AUTS2: variants seen among roughly 807,000 people sequenced by gnomAD.
The protein encoded by AUTS2 is activator of transcription and developmental regulator AUTS2, also known as autism susceptibility gene 2 protein.
Under a neutral mutation model 112.4 loss-of-function variants are expected in AUTS2, and 17 were observed. The observed-to-expected ratio is 0.15, with a 90% CI of 0.10 to 0.23. The LOEUF (loss-of-function observed/expected upper bound fraction) is 0.23, where lower values mean the gene tolerates loss of function less well. AUTS2 is among the 10% of genes least tolerant of loss of function. The pLI is 1.00. For synonymous variants in AUTS2, 751 were observed against 702.7 expected (o/e 1.07, Z -1.09); for missense variants, 1,510 against 1,701.6 (o/e 0.89, Z 1.98).
intron 13 of AUTS2, chr7:70,776,662 A>C (rs759102204): frequency 3.8e-5 from 9 of 239,700 alleles, no homozygotes; most frequent in Non-Finnish European, 6.5e-5. Context: ...CAGGTTCTGT[A>C]CCCTCTCTTA....
intron 5 of AUTS2, among the ~76,000 whole-genome samples, chr7:70,462,548 T>A (rs1297752938): frequency 3.3e-5 from 5 of 152,168 alleles, no homozygotes; most frequent in East Asian, 1.9e-4. Context: ...TCCAATTTTT[T>A]AAAAAATTTT....
chr7:69,813,731 G>A (rs1244748984), intron 1 of AUTS2, among the ~76,000 whole-genome samples: 1 of 152,188 alleles, frequency 6.6e-6, no homozygotes, highest in African/African-American at 2.4e-5. Context: ...TGAATCTTGT[G>A]TGTAATTCTC....
chr7:70,100,462 G>A (rs1008174510), intron 2 of AUTS2, among the ~76,000 whole-genome samples: 1 of 151,328 alleles, frequency 6.6e-6, no homozygotes, highest in Non-Finnish European at 1.5e-5. Context: ...AAGTTCTAGA[G>A]TACATGTGCA....
At chr7:69,602,646 C>T (rs999383726) in intron 1 of AUTS2, among the ~76,000 whole-genome samples, 2 of 152,134 alleles carry the variant, frequency 1.3e-5, no homozygotes, top group African/African-American at 2.4e-5. Context: ...CCCACCAAAA[C>T]CCGCACAGCA....
In AUTS2 at chr7:70,790,498, C is replaced by G. The variant is rs939046841; in HGVS notation, c.3282C>G (p.Phe1094Leu). Residue 1094 changes from phenylalanine (F) to leucine (L), a missense_variant, in exon 19 of 19, where the codon TTC (phenylalanine) becomes TTG (leucine). This residue lies in a region of AUTS2 where 788 missense variants were observed against 797.6 expected (regional missense o/e 0.99). Transcript: ENST00000342771. The surrounding 1 kb of genome is among the most constrained non-coding windows in gnomAD (Gnocchi z 7.6). The stretch of plus-strand genomic sequence containing the variant: ...GGAGAGACCCGCTGGGCAGGGACTT[C>G]CTGCTAAGGAACGACCCGCTCCACC... The part of the protein sequence containing the change: ...IHRRDPLGRD[F>L]LLRNDPLHRL... The G allele has an allele frequency of 4.3e-6, 7 of 1,612,578 alleles. No homozygotes were observed. Among genetic ancestry groups the G allele is most frequent in the Non-Finnish European group, 5.1e-6 (6 of 1,179,618 alleles).
At chr7:70,398,499 T>C (rs1240622440) in intron 4 of AUTS2, among the ~76,000 whole-genome samples, 4 of 152,174 alleles carry the variant, frequency 2.6e-5, no homozygotes, top group African/African-American at 4.8e-5. Context: ...TTTGATGTTA[T>C]TGTAAATGAT....
chr7:69,775,623 G>A (rs1446988831), intron 1 of AUTS2, among the ~76,000 whole-genome samples: 1 of 152,080 alleles, frequency 6.6e-6, no homozygotes, highest in Non-Finnish European at 1.5e-5. Context: ...GGGTCGGGAA[G>A]TTGTTGATGG....
intron 1 of AUTS2, among the ~76,000 whole-genome samples, chr7:69,649,984 T>C (rs1437822438): frequency 1.3e-5 from 2 of 152,242 alleles, no homozygotes; most frequent in East Asian, 1.9e-4. Context: ...CACAGTCTTA[T>C]GCAGCAGCAC....
At chr7:70,477,143 C>T (rs2116067515) in intron 5 of AUTS2, among the ~76,000 whole-genome samples, 1 of 152,322 alleles carries the variant, frequency 6.6e-6, no homozygotes. Context: ...CTCCAGGCTT[C>T]ATCAGAACAA....
At chr7:70,446,892 TTATGTCTC>T (rs1360510952) in intron 5 of AUTS2, among the ~76,000 whole-genome samples, 3 of 152,146 alleles carry the variant, frequency 2.0e-5, no homozygotes, top group East Asian at 3.9e-4. Flanking sequence ...CAGGGGATGT[TTATGTCTC>T]TATACGTCCC....
intron 4 of AUTS2, among the ~76,000 whole-genome samples, chr7:70,187,181 C>A (rs985670809): frequency 6.6e-6 from 1 of 152,188 alleles, no homozygotes; most frequent in African/African-American, 2.4e-5. Flanking sequence ...ATGTAACTGG[C>A]AACAGTGAAG....
chr7:69,727,791 G>A (rs1584143946), intron 1 of AUTS2, among the ~76,000 whole-genome samples: 1 of 152,164 alleles, frequency 6.6e-6, no homozygotes, highest in Middle Eastern at 3.4e-3. Flanking sequence ...TTTCAAGGTT[G>A]TTTTTACTAT....
intron 6 of AUTS2, among the ~76,000 whole-genome samples, chr7:70,759,616 A>G (rs1789429773): frequency 6.6e-6 from 1 of 152,186 alleles, no homozygotes; most frequent in African/African-American, 2.4e-5. Flanking sequence ...ACCACTCCTC[A>G]TGTTCTAGCT....
At chr7:70,469,371 G>T (rs532577547) in intron 5 of AUTS2, among the ~76,000 whole-genome samples, 14 of 152,284 alleles carry the variant, frequency 9.2e-5, no homozygotes, top group Non-Finnish European at 1.8e-4. Context: ...CCCAAATAAA[G>T]AGAAGCTGGT....
intron 4 of AUTS2, among the ~76,000 whole-genome samples, chr7:70,148,647 G>A (rs1807262227): frequency 6.6e-6 from 1 of 151,368 alleles, no homozygotes; most frequent in Admixed American, 6.6e-5. Flanking sequence ...TATTGTGGGT[G>A]CTCTGAGGTT....
At chr7:70,256,346 G>A (rs1283597127) in intron 4 of AUTS2, among the ~76,000 whole-genome samples, 1 of 152,172 alleles carries the variant, frequency 6.6e-6, no homozygotes, top group Non-Finnish European at 1.5e-5. Flanking sequence ...TGTAAATGTT[G>A]CACAGTGGGC....
chr7:70,003,358 A>G (rs1456539988), intron 2 of AUTS2, among the ~76,000 whole-genome samples: 1 of 128,856 alleles, frequency 7.8e-6, no homozygotes, highest in Non-Finnish European at 1.5e-5. Flanking sequence ...TATGTTATAT[A>G]TGAATATATT....
chr7:70,747,008 C>T (rs767636641), intron 6 of AUTS2, among the ~76,000 whole-genome samples: 1 of 152,038 alleles, frequency 6.6e-6, no homozygotes, highest in Non-Finnish European at 1.5e-5. Context: ...TGATTCTGAG[C>T]TTAGATGATG....
rs560823241 is a variant in AUTS2, at chr7:70,390,666, A to G, written c.661-45086A>G. ...AAGATGCATTCATTCTGTCAAGTCC[A>G]AGCAGAGAATGGCCGGCACTCAACT... On this transcript the variant is annotated intron_variant, in intron 4 of 18. Transcript: ENST00000342771. Among the ~76,000 whole-genome samples, 8 of 152,144 alleles carry G rather than the reference A, an allele frequency of 5.3e-5. No homozygotes were observed. In the South Asian group the frequency reaches 8.3e-4, roughly 16 times the overall value.
Sources: allele counts gnomAD v4.1 joint callset (sites outside exome capture counted in the v4.1 genomes callset), GRCh38; gene constraint gnomAD v4.1.1; regional missense constraint gnomAD v4.1.1; non-coding constraint Gnocchi (gnomAD v3.1); transcripts MANE v1.5; gene names NCBI Gene and HGNC (gene_info 2026-07-23, HGNC 2026-07-21).